Variants in RANBP17 observed in about 807,000 individuals in gnomAD.
RANBP17 encodes ran-binding protein 17.
A neutral mutation model predicts 141.2 loss-of-function variants in RANBP17; 158 were observed. The ratio of observed to expected loss-of-function variants is 1.12; its 90% CI spans 0.98 to 1.28. The LOEUF (loss-of-function observed/expected upper bound fraction) is 1.28. RANBP17 is among the 50% of genes most tolerant of loss of function. The pLI, the probability that RANBP17 is intolerant of heterozygous loss-of-function variation, is 0.00. For synonymous variants in RANBP17, 430 were observed against 450.0 expected (o/e 0.96, Z 0.56); for missense variants, 1,438 against 1,290.7 (o/e 1.11, Z -1.75).
At chr5:171,283,513 A>G (rs1257629800) in intron 25 of RANBP17, among the ~76,000 whole-genome samples, 1 of 152,236 alleles carries the variant, frequency 6.6e-6, no homozygotes, top group African/African-American at 2.4e-5. Flanking sequence ...GTGCCATTAG[A>G]TAACTATAAA....
chr5:171,092,708 G>T (rs1297934597), intron 14 of RANBP17, among the ~76,000 whole-genome samples: 1 of 152,114 alleles, frequency 6.6e-6, no homozygotes, highest in Non-Finnish European at 1.5e-5. Context: ...ATATGATAGT[G>T]ACATGATCAT....
At chr5:171,008,877 C>T (rs1381285188) in intron 14 of RANBP17, among the ~76,000 whole-genome samples, 1 of 152,132 alleles carries the variant, frequency 6.6e-6, no homozygotes, top group Non-Finnish European at 1.5e-5. Context: ...TTAAATGTAC[C>T]ACCTTTCTTT....
chr5:170,983,187 G>A (rs1015898723), intron 14 of RANBP17: 11 of 452,584 alleles, frequency 2.4e-5, no homozygotes, highest in African/African-American at 1.0e-4. Context: ...GGAAGCTCTC[G>A]GATAACAGCT....
At chr5:171,093,209 T>TCC (rs749648135) in intron 14 of RANBP17, among the ~76,000 whole-genome samples, 1 of 73,834 alleles carries the variant, frequency 1.4e-5, no homozygotes, top group African/African-American at 4.2e-5. Flanking sequence ...GAACTCAGTC[T>TCC]CCCCCCAAAA....
At chr5:171,020,453 G>A (rs1462483623) in intron 14 of RANBP17, among the ~76,000 whole-genome samples, 1 of 152,148 alleles carries the variant, frequency 6.6e-6, no homozygotes, top group Non-Finnish European at 1.5e-5. Flanking sequence ...CAGTGCTCCT[G>A]TTTGGATGCA....
At chr5:170,929,606 A>G (rs1196552065) in intron 12 of RANBP17, among the ~76,000 whole-genome samples, 2 of 152,166 alleles carry the variant, frequency 1.3e-5, no homozygotes, top group African/African-American at 4.8e-5. Context: ...AGAAATTGTT[A>G]AATTCAATTT....
chr5:171,125,666 T>G (rs1756397717), intron 14 of RANBP17, among the ~76,000 whole-genome samples: 1 of 152,236 alleles, frequency 6.6e-6, no homozygotes. Flanking sequence ...GTAGACCAAA[T>G]GGACCTAACA....
chr5:170,953,438 A>G (rs1775358661), intron 12 of RANBP17, among the ~76,000 whole-genome samples, 159 bp from the exon 13 acceptor site: 1 of 152,106 alleles, frequency 6.6e-6, no homozygotes, highest in South Asian at 2.1e-4. Flanking sequence ...TGCCTTGATA[A>G]ACTTAAAACC....
chr5:171,063,487 C>T (rs1178395445), intron 14 of RANBP17, among the ~76,000 whole-genome samples: 1 of 152,214 alleles, frequency 6.6e-6, no homozygotes, highest in Non-Finnish European at 1.5e-5. Flanking sequence ...TTTTCGTGAA[C>T]CGCGAATGCT....
intron 14 of RANBP17, among the ~76,000 whole-genome samples, chr5:171,061,632 A>G (rs1783862531): frequency 6.6e-6 from 1 of 152,128 alleles, no homozygotes; most frequent in Admixed American, 6.5e-5. Flanking sequence ...AAAAAAATGT[A>G]TATTCTGTTG....
intron 14 of RANBP17, among the ~76,000 whole-genome samples, chr5:170,987,874 G>A (rs1778252259): frequency 2.0e-5 from 3 of 151,410 alleles, no homozygotes; most frequent in African/African-American, 7.3e-5. Flanking sequence ...AGAAATACAG[G>A]AAGTAAATTG....
intron 14 of RANBP17, among the ~76,000 whole-genome samples, chr5:171,159,976 C>CTATT (rs1265738812): frequency 6.7e-6 from 1 of 149,792 alleles, no homozygotes; most frequent in Admixed American, 6.7e-5. Context: ...TTGGATGGAC[C>CTATT]TATTGATCTG....
At chr5:171,090,934 A>C (rs1338809676) in intron 14 of RANBP17, among the ~76,000 whole-genome samples, 1 of 152,198 alleles carries the variant, frequency 6.6e-6, no homozygotes, top group Non-Finnish European at 1.5e-5. Context: ...ATTTTGCTGC[A>C]GGGGCGAGGC....
chr5:171,064,185 G>C (rs1731236422), intron 14 of RANBP17, among the ~76,000 whole-genome samples: 2 of 152,224 alleles, frequency 1.3e-5, no homozygotes, highest in Admixed American at 1.3e-4. Flanking sequence ...TGCGCCCACT[G>C]TCTGGCACTC....
chr5:170,876,946 A>G (rs1367729562), intron 1 of RANBP17, among the ~76,000 whole-genome samples: 2 of 152,158 alleles, frequency 1.3e-5, no homozygotes, highest in African/African-American at 4.8e-5. Context: ...CTGATTCTCT[A>G]ATTCAAATTT....
chr5:170,968,269 T>C lies in RANBP17; in HGVS notation c.1602T>C (p.Asp534=), dbSNP rs1031339308. 13 of 1,598,116 alleles carry C rather than the reference T, an allele frequency of 8.1e-6. 1 individual carries two copies. The highest frequency in any genetic ancestry group is 1.1e-5 in the Non-Finnish European group (13 of 1,174,912). ...CRVFQLISLM[D]TGLPRCCNEK... ...TTTTTCAGCTTATATCTTTAATGGA[T>C]ACCGGATTGCCTCGATGTTGTAATG... The change falls in exon 14 of 28, where the codon GAT becomes GAC. Residue 534 remains aspartate, a synonymous_variant. Coordinates refer to ENST00000523189, the MANE Select transcript of RANBP17 (RefSeq NM_022897.5).
chr5:170,863,728 T>C (rs902188110), intron 1 of RANBP17: 2 of 152,182 alleles, frequency 1.3e-5, no homozygotes, highest in Admixed American at 6.5e-5. Flanking sequence ...GGAAAGGTGA[T>C]GTACAGTTAA....
intron 11 of RANBP17, among the ~76,000 whole-genome samples, chr5:170,921,586 C>T (rs147030739): frequency 0.03 from 4,603 of 152,162 alleles, 233 homozygotes; most frequent in African/African-American, 0.1. Flanking sequence ...TTTTTGGTTC[C>T]ATATGAACTT....
intron 12 of RANBP17, among the ~76,000 whole-genome samples, chr5:170,928,554 C>G (rs1000880425): frequency 6.6e-6 from 1 of 151,990 alleles, no homozygotes; most frequent in Non-Finnish European, 1.5e-5. Context: ...TCCAGTTGTT[C>G]TAACACCATT....
Sources: allele counts gnomAD v4.1 joint callset (sites outside exome capture counted in the v4.1 genomes callset), GRCh38; gene constraint gnomAD v4.1.1; transcripts MANE v1.5; gene names NCBI Gene and HGNC (gene_info 2026-07-23, HGNC 2026-07-21).